The following LRRC36 variants were observed in gnomAD, a reference collection of about 807,000 sequenced individuals.
The protein encoded by LRRC36 is leucine-rich repeat-containing protein 36.
A neutral mutation model predicts 81.1 loss-of-function variants in LRRC36; 62 were observed. The ratio of observed to expected loss-of-function variants is 0.76; its 90% CI spans 0.62 to 0.94. LRRC36 has a LOEUF of 0.94. Ranked by LOEUF, LRRC36 falls within the 40% of genes least tolerant of loss-of-function variation. LRRC36 has a pLI of 0.00. For missense variants in LRRC36, 761 were observed against 881.7 expected (o/e 0.86, Z 1.73); for synonymous variants, 334 against 348.6 (o/e 0.96, Z 0.47).
intron 4 of LRRC36, chr16:67,348,377 C>T (rs1295187129): frequency 6.6e-6 from 1 of 151,332 alleles, no homozygotes; most frequent in Non-Finnish European, 1.5e-5. Context: ...TTGGAAAGTA[C>T]AGAAAAAAAC....
In LRRC36 at chr16:67,385,164, T is replaced by C. The variant is rs2040251200; in HGVS notation, c.*75T>C. The stretch of plus-strand genomic sequence containing the variant: ...ACCGCCATTGCCACCAGTATGGTGG[T>C]ATGTACTCACAAAGATTAAGAAAGA... On this transcript the variant is annotated 3_prime_UTR_variant, in exon 14 of 14. Coordinates refer to ENST00000329956, the MANE Select transcript of LRRC36 (RefSeq NM_018296.6). 8 of 1,042,354 alleles carry C rather than the reference T, an allele frequency of 7.7e-6. No homozygotes were observed. Among genetic ancestry groups the C allele is most frequent in the Non-Finnish European group, 1.2e-5 (8 of 683,980 alleles). The allele number at this position is 1,042,354 out of a possible 1,614,324, so 64.6% of individuals were successfully genotyped here.
chr16:67,382,419 C>T (rs1282189484), intron 13 of LRRC36, among the ~76,000 whole-genome samples, 172 bp downstream of exon 13: 1 of 152,162 alleles, frequency 6.6e-6, no homozygotes, highest in Non-Finnish European at 1.5e-5. Flanking sequence ...TACTGCTTCC[C>T]AGGACACATC....
At chr16:67,365,033 C>T (rs150631843) in intron 6 of LRRC36, 34 of 336,790 alleles carry the variant, frequency 1.0e-4, no homozygotes, top group Non-Finnish European at 1.6e-4. Context: ...CCCTCATCTA[C>T]CTTCTATGAG....
At chr16:67,343,675 A>G (rs2038201396) in intron 2 of LRRC36, among the ~76,000 whole-genome samples, 1 of 151,142 alleles carries the variant, frequency 6.6e-6, no homozygotes, top group South Asian at 2.1e-4. Context: ...AGCCTGGGCA[A>G]AAGAGTGAGA....
chr16:67,356,864 A>G (rs1468326127), intron 5 of LRRC36, among the ~76,000 whole-genome samples: 1 of 152,246 alleles, frequency 6.6e-6, no homozygotes, highest in Non-Finnish European at 1.5e-5. Flanking sequence ...CAGCAAAGAC[A>G]GGTGAAACAT....
intron 1 of LRRC36, among the ~76,000 whole-genome samples, chr16:67,327,305 C>A (rs2037235790): frequency 1.3e-5 from 2 of 151,784 alleles, no homozygotes; most frequent in Non-Finnish European, 2.9e-5. Flanking sequence ...CTGAGCGTGG[C>A]CAACATGGTG....
chr16:67,375,886 A>G (rs2039872018), intron 10 of LRRC36, among the ~76,000 whole-genome samples: 1 of 152,226 alleles, frequency 6.6e-6, no homozygotes, highest in Non-Finnish European at 1.5e-5. Flanking sequence ...CATGGGAGAA[A>G]ACAGTTTTGC....
At chr16:67,349,341 TC>T (rs531811747) in intron 4 of LRRC36, among the ~76,000 whole-genome samples, 20 of 152,120 alleles carry the variant, frequency 1.3e-4, no homozygotes, top group Admixed American at 1.0e-3. Context: ...GAGTCCCAGT[TC>T]CCCCACCTAT....
intron 5 of LRRC36, among the ~76,000 whole-genome samples, chr16:67,351,521 A>G (rs2038633969): frequency 6.6e-6 from 1 of 152,222 alleles, no homozygotes; most frequent in African/African-American, 2.4e-5. Context: ...TGCCTGGCCA[A>G]CATGGCAAAA....
chr16:67,378,493 G>A, intron 11 of LRRC36, 96 bp from the exon 12 acceptor site: 1 of 1,148,060 alleles, frequency 8.7e-7, no homozygotes, highest in Non-Finnish European at 1.3e-6. Flanking sequence ...ATCCACCTCA[G>A]CCTCCCAAAG....
chr16:67,366,035 T>C (rs533358800), intron 7 of LRRC36, among the ~76,000 whole-genome samples: 72 of 152,298 alleles, frequency 4.7e-4, no homozygotes, highest in South Asian at 1.0e-3. Flanking sequence ...TCTTTCAGCT[T>C]TTCTTTGTGT....
chr16:67,353,987 T>C (rs907457432), intron 5 of LRRC36, among the ~76,000 whole-genome samples: 2 of 152,162 alleles, frequency 1.3e-5, no homozygotes, highest in Admixed American at 1.3e-4. Context: ...GCTCAAAAAC[T>C]TCTCTGGCTC....
intron 1 of LRRC36, among the ~76,000 whole-genome samples, chr16:67,339,958 C>T (rs1438349644): frequency 6.6e-6 from 1 of 151,828 alleles, no homozygotes; most frequent in Non-Finnish European, 1.5e-5. Flanking sequence ...GCCTGGGTAA[C>T]ATGGTGAAAC....
intron 5 of LRRC36, among the ~76,000 whole-genome samples, chr16:67,354,653 A>G (rs2038816893): frequency 6.6e-6 from 1 of 152,174 alleles, no homozygotes; most frequent in Non-Finnish European, 1.5e-5. Flanking sequence ...CAGGCAGTAG[A>G]GTTCCCATAT....
At chr16:67,331,069 AAGAGAGAGAGAGAGAGAGAGAGAG>A (rs71145966) in intron 1 of LRRC36, among the ~76,000 whole-genome samples, 2 of 118,536 alleles carry the variant, frequency 1.7e-5, no homozygotes, top group African/African-American at 7.2e-5. Context: ...GTGAGAGAGA[AAGAGAGAGAGAGAGAGAGAGAGAG>A]AGAGAGAGAG....
intron 2 of LRRC36, among the ~76,000 whole-genome samples, chr16:67,343,466 G>C (rs2038188382): frequency 6.6e-6 from 1 of 152,094 alleles, no homozygotes; most frequent in African/African-American, 2.4e-5. Context: ...GGAGGCCAAG[G>C]TGGGTGGATC....
At chr16:67,383,390 A>G (rs1349573794) in intron 13 of LRRC36, among the ~76,000 whole-genome samples, 2 of 152,356 alleles carry the variant, frequency 1.3e-5, no homozygotes, top group East Asian at 3.9e-4. Flanking sequence ...AGAGGATAGC[A>G]TAATACAGTT....
rs1464293130 is a variant in LRRC36, at chr16:67,375,450, G to A, written c.1660+38G>A. On this transcript the variant is annotated intron_variant, in intron 10 of 13. Coordinates refer to ENST00000329956, the MANE Select transcript of LRRC36 (RefSeq NM_018296.6). ...ATTCTCTGTCCTTGGACAGGAGTTG[G>A]ACTTTTCCTCTGCTCTGTGTTCTGC... The A allele has an allele frequency of 3.3e-6, 5 of 1,526,478 alleles. No individual in the cohort carries two copies. The South Asian group carries it at 5.1e-5, about 15-fold the overall frequency. The allele number at this position is 1,526,478 out of a possible 1,614,324, so 94.6% of individuals were successfully genotyped here.
Position 67,375,316 on chromosome 16 carries a change from A to G in LRRC36, c.1564A>G (p.Thr522Ala). The G allele has an allele frequency of 6.2e-7, 1 of 1,610,054 alleles. No homozygotes were observed. Among genetic ancestry groups the G allele is most frequent in the Non-Finnish European group, 8.5e-7 (1 of 1,179,098 alleles). Reference sequence around the variant, plus strand: ...CCACAGTCCCCCCATCTCTGCCAGAACCCCCCATGTGGCCACTGTCCTCAG... The same window carrying G: ...CCACAGTCCCCCCATCTCTGCCAGAGCCCCCCATGTGGCCACTGTCCTCAG... The part of the protein sequence containing the change: ...GNHSPPISAR[T>A]PHVATVLRQL... The change falls in exon 10 of 14, where the codon ACC becomes GCC. Residue 522 changes from threonine to alanine, a missense_variant. Thr to Ala is a moderately conservative substitution (Grantham distance 58, BLOSUM62 0). This residue lies in a region of LRRC36 where 359 missense variants were observed against 388.4 expected (regional missense o/e 0.92). Coordinates refer to ENST00000329956, the MANE Select transcript of LRRC36 (RefSeq NM_018296.6).
Sources: allele counts gnomAD v4.1 joint callset (sites outside exome capture counted in the v4.1 genomes callset), GRCh38; gene constraint gnomAD v4.1.1; regional missense constraint gnomAD v4.1.1; transcripts MANE v1.5; gene names NCBI Gene and HGNC (gene_info 2026-07-23, HGNC 2026-07-21).